ANAPC5: variants seen among roughly 807,000 people sequenced by gnomAD.
ANAPC5 encodes anaphase-promoting complex subunit 5.
In ANAPC5, 60 loss-of-function variants were observed where a neutral mutation model predicts 91.3. The ratio of observed to expected loss-of-function variants is 0.66; its 90% CI spans 0.53 to 0.81. The LOEUF is 0.81. ANAPC5 is among the 40% of genes least tolerant of loss of function. The pLI is 0.00. For synonymous variants in ANAPC5, 340 were observed against 364.1 expected, an observed-to-expected ratio of 0.93 and a Z score of 0.75; for missense variants, 690 against 931.5, an observed-to-expected ratio of 0.74 and a Z score of 3.37.
At chr12:121,339,878 T>TG (rs1903378290) in intron 5 of ANAPC5, among the ~76,000 whole-genome samples, 1 of 136,260 alleles carries the variant, frequency 7.3e-6, no homozygotes, top group African/African-American at 3.1e-5. Context: ...GTTTTTTTTT[T>TG]TTTTTTTTTT....
chr12:121,326,695 A>T (rs1266727862), intron 11 of ANAPC5: 3 of 160,238 alleles, frequency 1.9e-5, no homozygotes, highest in African/African-American at 7.2e-5. Context: ...ATTCTATGAG[A>T]CAGTACCCAT....
At chr12:121,348,797 A>T (rs1555274959) in intron 1 of ANAPC5, among the ~76,000 whole-genome samples, 1 of 152,228 alleles carries the variant, frequency 6.6e-6, no homozygotes, top group East Asian at 1.9e-4. Flanking sequence ...CATATATGCC[A>T]ACTTTAGATG....
At chr12:121,328,581 A>T in intron 9 of ANAPC5, 84 bp from the exon 10 acceptor site, 1 of 1,238,438 alleles carries the variant, frequency 8.1e-7, no homozygotes, top group Non-Finnish European at 1.2e-6. Context: ...GGTGGATTTC[A>T]CATTTCAGCA....
At chr12:121,341,967 A>G in intron 5 of ANAPC5, 36 bp downstream of exon 5, 1 of 1,525,506 alleles carries the variant, frequency 6.6e-7, no homozygotes, top group African/African-American at 1.4e-5. Flanking sequence ...ACAGGACTAG[A>G]ACAGAAGTTC....
chr12:121,332,039 T>G (rs1011356565), intron 7 of ANAPC5: 1 of 152,208 alleles, frequency 6.6e-6, no homozygotes, highest in Non-Finnish European at 1.5e-5. Context: ...AGTCTCACTA[T>G]GTTCCCCAGG....
intron 10 of ANAPC5, 164 bp downstream of exon 10, chr12:121,328,152 T>C (rs1902893944): frequency 1.5e-6 from 1 of 645,804 alleles, no homozygotes; most frequent in African/African-American, 1.8e-5. Context: ...GTTTTCAGTC[T>C]GTGCAAAATA....
chr12:121,308,824 A>G, intron 16 of ANAPC5, 133 bp from the exon 17 acceptor site: 1 of 800,608 alleles, frequency 1.2e-6, no homozygotes, highest in Non-Finnish European at 2.0e-6. Flanking sequence ...TTTGAGAGAG[A>G]AAAAACAAAC....
intron 13 of ANAPC5, among the ~76,000 whole-genome samples, 154 bp downstream of exon 13, chr12:121,319,543 A>T (rs1180527296): frequency 6.9e-6 from 1 of 145,328 alleles, no homozygotes; most frequent in Non-Finnish European, 1.6e-5. Context: ...TACAGGTGTA[A>T]GTCACCATGC....
At chr12:121,318,082 C>A in intron 15 of ANAPC5, 195 bp downstream of exon 15, 1 of 509,828 alleles carries the variant, frequency 2.0e-6, no homozygotes, top group Non-Finnish European at 3.1e-6. Context: ...GCCAGTGCCA[C>A]TGGAAAGTGT....
At chr12:121,346,066 T>C (rs1903655703) in intron 3 of ANAPC5, 35 bp from the exon 4 acceptor site, 1 of 1,550,212 alleles carries the variant, frequency 6.5e-7, no homozygotes, top group Non-Finnish European at 8.8e-7. Flanking sequence ...GGGAAAGCAT[T>C]AACTGACATC....
chr12:121,337,475 A>G, intron 5 of ANAPC5, 83 bp from the exon 6 acceptor site: 2 of 1,092,026 alleles, frequency 1.8e-6, no homozygotes, highest in Non-Finnish European at 1.3e-6. Flanking sequence ...TCACCTGATT[A>G]TTTTCTTTTC....
chr12:121,308,329 T>C lies in ANAPC5; in HGVS notation c.*151A>G. On this transcript the variant is annotated 3_prime_UTR_variant, in exon 17 of 17. Transcript: ENST00000261819. Reference sequence around the variant, plus strand: ...AGAAAAGGGGAATAAAACAAATACGTAGTTACTAGCAACAAAATAAGACAA... The same window carrying C: ...AGAAAAGGGGAATAAAACAAATACGCAGTTACTAGCAACAAAATAAGACAA... The C allele has an allele frequency of 1.6e-6, 1 of 641,366 alleles. No homozygotes were observed. 39.7% of individuals were successfully genotyped at this position (641,366 alleles called of 1,614,324 possible).
chr12:121,352,652 C>A (rs1555275603), upstream of ANAPC5, among the ~76,000 whole-genome samples: 1 of 113,798 alleles, frequency 8.8e-6, no homozygotes, highest in Non-Finnish European at 1.9e-5. Flanking sequence ...GAAGTCGATG[C>A]TTGGGGTCGG....
chr12:121,314,317 T>G (rs1458216520), intron 15 of ANAPC5, among the ~76,000 whole-genome samples: 2 of 152,102 alleles, frequency 1.3e-5, no homozygotes, highest in Admixed American at 1.3e-4. Context: ...AAGAACTGCT[T>G]GAACCTGGGA....
intron 15 of ANAPC5, among the ~76,000 whole-genome samples, chr12:121,312,546 C>CA (rs1054297150): frequency 0.022 from 3,078 of 143,046 alleles, 110 homozygotes; most frequent in African/African-American, 0.075. Flanking sequence ...ACTAAAAATA[C>CA]AAAAAAAAAA....
At chr12:121,350,113 C>T (rs1160737098) in intron 1 of ANAPC5, among the ~76,000 whole-genome samples, 2 of 152,120 alleles carry the variant, frequency 1.3e-5, no homozygotes, top group East Asian at 3.8e-4. Flanking sequence ...ATAAAGACAT[C>T]CCTTTTATTT....
At position 121,346,984 on chromosome 12, in the gene ANAPC5, G is replaced by A. The variant is rs1555274776; in HGVS notation, c.309C>T (p.Gly103=). ...VQIRIKLMAE[G]ELKDMEQFFD... ...AAAACTGTTCCATATCCTTCAACTCGCCTTCAGCCATCAGTTTGATTCTGA... is the reference window on the plus strand; with the variant it reads ...AAAACTGTTCCATATCCTTCAACTCACCTTCAGCCATCAGTTTGATTCTGA... Residue 103 remains glycine, a synonymous_variant, in exon 3 of 17, where the codon GGC becomes GGT. Transcript: ENST00000261819. 1.8e-5 allele frequency: 29 copies of A among 1,608,804 alleles called. No individual in the cohort carries two copies. Among genetic ancestry groups the A allele is most frequent in the Non-Finnish European group, 2.3e-5 (27 of 1,178,392 alleles).
At chr12:121,318,795 C>T (rs919270946) in intron 13 of ANAPC5, among the ~76,000 whole-genome samples, 187 bp from the exon 14 acceptor site, 6 of 151,974 alleles carry the variant, frequency 3.9e-5, no homozygotes, top group Admixed American at 2.6e-4. Flanking sequence ...CCGAGGCGGG[C>T]GAATCACAAG....
intron 15 of ANAPC5, chr12:121,310,243 TA>T (rs948489146): frequency 2.9e-4 from 32 of 109,978 alleles, no homozygotes; most frequent in Middle Eastern, 3.8e-3. Context: ...TTAGTATGTT[TA>T]AAAAAAAAAG....
Sources: gnomAD v4.1 joint callset for allele counts (sites outside exome capture counted in the v4.1 genomes callset) on GRCh38, gnomAD v4.1.1 for gene constraint, MANE v1.5 for transcripts, NCBI Gene and HGNC (gene_info 2026-07-23, HGNC 2026-07-21) for gene names.